Variants in P2RY8 observed in about 807,000 individuals in gnomAD.
P2RY8 encodes P2Y receptor family member 8.
Under a neutral mutation model 10.0 loss-of-function variants are expected in P2RY8, and 6 were observed. The observed-to-expected ratio is 0.60, with a 90% CI of 0.33 to 1.19. The LOEUF (loss-of-function observed/expected upper bound fraction) is 1.19. P2RY8 is among the 50% of genes most tolerant of loss of function. The probability of loss-of-function intolerance (pLI) is 0.04; values close to 1 mark genes in which losing one functional copy is unlikely to be tolerated. For synonymous variants in P2RY8, 276 were observed against 252.5 expected (o/e 1.09, Z -0.88); for missense variants, 456 against 542.0 (o/e 0.84, Z 1.58).
At chrX:1,517,748 G>A (rs1233411785) in intron 1 of P2RY8, among the ~76,000 whole-genome samples, 15 of 152,084 alleles carry the variant, frequency 9.9e-5, no homozygotes, top group Non-Finnish European at 1.6e-4. Flanking sequence ...ATCTTCACAC[G>A]TGTCTCTGGT....
chrX:1,508,704 T>TTCTATCTATCTA (rs61715773), intron 1 of P2RY8, among the ~76,000 whole-genome samples: 5 of 112,084 alleles, frequency 4.5e-5, no homozygotes, highest in Admixed American at 2.5e-4. Context: ...CATCCATCCA[T>TTCTATCTATCTA]TCTATCTATC....
chrX:1,505,739 G>A (rs1308739870), intron 1 of P2RY8, among the ~76,000 whole-genome samples: 2 of 152,090 alleles, frequency 1.3e-5, no homozygotes, highest in East Asian at 1.9e-4. Flanking sequence ...GCAGTGAGCC[G>A]ACATGGCGCC....
chrX:1,481,831 C>T (rs2091938730), intron 1 of P2RY8, among the ~76,000 whole-genome samples: 1 of 152,136 alleles, frequency 6.6e-6, no homozygotes, highest in Non-Finnish European at 1.5e-5. Flanking sequence ...GACCTGCTGG[C>T]GTCGGCCTCA....
chrX:1,481,064 T>G (rs2091929587), intron 1 of P2RY8, among the ~76,000 whole-genome samples: 1 of 151,682 alleles, frequency 6.6e-6, no homozygotes, highest in Non-Finnish European at 1.5e-5. Flanking sequence ...GTGACTAAGA[T>G]CTAGAGATAC....
chrX:1,526,748 TC>T (rs1273404616), intron 1 of P2RY8, among the ~76,000 whole-genome samples: 1 of 152,154 alleles, frequency 6.6e-6, no homozygotes, highest in Non-Finnish European at 1.5e-5. Context: ...CATTCATTCA[TC>T]CATTTACTTA....
At chrX:1,494,997 C>G (rs1202270320) in intron 1 of P2RY8, among the ~76,000 whole-genome samples, 1 of 151,884 alleles carries the variant, frequency 6.6e-6, no homozygotes, top group Admixed American at 6.6e-5. Flanking sequence ...GGATTACGGG[C>G]ATGAGCCACT....
At chrX:1,520,666 T>C (rs1235001803) in intron 1 of P2RY8, among the ~76,000 whole-genome samples, 1 of 151,870 alleles carries the variant, frequency 6.6e-6, no homozygotes, top group Non-Finnish European at 1.5e-5. Context: ...TCTCTGATCC[T>C]CAGTCATCTC....
intron 1 of P2RY8, among the ~76,000 whole-genome samples, chrX:1,509,709 T>C (rs2092280136): frequency 1.0e-5 from 1 of 96,414 alleles, no homozygotes; most frequent in Non-Finnish European, 2.2e-5. Context: ...TCCATCCATT[T>C]ATTCTATCTA....
chrX:1,534,490 C>A (rs1195451751), intron 1 of P2RY8, among the ~76,000 whole-genome samples: 4 of 151,934 alleles, frequency 2.6e-5, no homozygotes, highest in African/African-American at 7.3e-5. Context: ...GTGTGTCTCC[C>A]AGGGGCCGTG....
In P2RY8 at chrX:1,466,361, G is replaced by T; in HGVS notation, c.198C>A (p.Ser66Arg). 6.2e-7 allele frequency: 1 copy of T among 1,613,800 alleles called. No homozygotes were observed. The highest frequency in any genetic ancestry group is 8.5e-7 in the Non-Finnish European group (1 of 1,179,850). ...SPSVIFMINL[S>R]VTDLMLASVL... ...CGCTGGCCAGCATCAGGTCCGTGAC[G>T]CTCAGGTTGATCATGAAGATGACCG... Residue 66 changes from serine to arginine, a missense_variant, in exon 2 of 2, where the codon AGC becomes AGA. Transcript: ENST00000381297.
intron 1 of P2RY8, among the ~76,000 whole-genome samples, chrX:1,521,098 G>A (rs868039040): frequency 3.6e-5 from 5 of 140,150 alleles, no homozygotes; most frequent in South Asian, 4.4e-4. Context: ...GCAGCGGTGC[G>A]ATCTGAGCTC....
intron 1 of P2RY8, among the ~76,000 whole-genome samples, chrX:1,492,581 C>T (rs1475851345): frequency 6.6e-6 from 1 of 152,124 alleles, no homozygotes; most frequent in Non-Finnish European, 1.5e-5. Context: ...ACCATGTAAG[C>T]TCCTGGATCC....
chrX:1,515,690 C>T (rs1328300984), intron 1 of P2RY8, among the ~76,000 whole-genome samples: 1 of 151,764 alleles, frequency 6.6e-6, no homozygotes, highest in Admixed American at 6.6e-5. Context: ...ATTTTCATCA[C>T]CCCAAAAAGA....
chrX:1,524,048 G>A (rs2092411540), intron 1 of P2RY8, among the ~76,000 whole-genome samples: 2 of 152,158 alleles, frequency 1.3e-5, no homozygotes, highest in South Asian at 4.1e-4. Context: ...AAATAAAACA[G>A]CAGTATTTAT....
chrX:1,521,075 G>A lies in P2RY8; in HGVS notation c.-25+15846C>T, dbSNP rs145349652. Among the ~76,000 whole-genome samples the A allele has an allele frequency of 6.4e-3, 764 of 119,416 alleles. 12 individuals carry two copies. Among genetic ancestry groups the A allele is most frequent in the East Asian group, 0.039 (145 of 3,766 alleles). The allele number at this position is 119,416 out of a possible 152,430, so 78.3% of individuals were successfully genotyped here. ...TTTTGAGACAGAGTCTCACACTGTC[G>A]CCAGGCTGGACTGCAGCGGTGCGAT... On this transcript the variant is annotated intron_variant, in intron 1 of 1. Transcript: ENST00000381297.
chrX:1,521,821 C>T (rs1267601734), intron 1 of P2RY8, among the ~76,000 whole-genome samples: 2 of 151,964 alleles, frequency 1.3e-5, no homozygotes, highest in Non-Finnish European at 2.9e-5. Flanking sequence ...CGGACAACCT[C>T]CTAATTCCTG....
intron 1 of P2RY8, among the ~76,000 whole-genome samples, chrX:1,535,754 C>T (rs1251038381): frequency 1.3e-5 from 2 of 151,532 alleles, no homozygotes; most frequent in South Asian, 4.2e-4. Flanking sequence ...CACACACAAA[C>T]CCTTTTCTTT....
In P2RY8 at chrX:1,514,347, TC is replaced by T. The variant is rs778132101; in HGVS notation, c.-25+22573del. 3.8e-3 allele frequency among the ~76,000 whole-genome samples: 565 copies of T among 149,644 alleles called. 12 individuals carry two copies. Among genetic ancestry groups the T allele is most frequent in the African/African-American group, 0.014 (543 of 39,624 alleles). The stretch of plus-strand genomic sequence containing the variant: ...TTCCATTTCTTTCCTTTCCTTCCCT[TC>T]CCTTTTATTTTCCTTTTCCTTTTCC... On this transcript the variant is annotated intron_variant, in intron 1 of 1. Transcript: ENST00000381297.
At chrX:1,533,480 A>G (rs186516551) in intron 1 of P2RY8, among the ~76,000 whole-genome samples, 10,197 of 139,828 alleles carry the variant, frequency 0.073, 520 homozygotes, top group Non-Finnish European at 0.11. Context: ...TATTCTTTAT[A>G]TCTTATATAC....
Sources: gnomAD v4.1 joint callset for allele counts (sites outside exome capture counted in the v4.1 genomes callset) on GRCh38, gnomAD v4.1.1 for gene constraint, MANE v1.5 for transcripts, NCBI Gene and HGNC (gene_info 2026-07-23, HGNC 2026-07-21) for gene names.